The following BCL11B variants were observed in gnomAD, a reference collection of about 807,000 sequenced individuals.
BCL11B encodes the protein B-cell lymphoma/leukemia 11B.
In BCL11B, 8 loss-of-function variants were observed where a neutral mutation model predicts 49.9. That is an observed-to-expected ratio of 0.16 (90% CI 0.09 to 0.29). BCL11B has a LOEUF of 0.29. Ranked by LOEUF, BCL11B falls within the 10% of genes least tolerant of loss-of-function variation. The pLI is 1.00. For synonymous variants in BCL11B, 739 were observed against 637.4 expected (o/e 1.16, Z -2.40); for missense variants, 1,006 against 1,351.0 (o/e 0.74, Z 4.00).
chr14:99,250,054 G>A (rs1307659116), intron 2 of BCL11B, among the ~76,000 whole-genome samples: 2 of 45,140 alleles, frequency 4.4e-5, no homozygotes, highest in Non-Finnish European at 8.2e-5. Context: ...TTTTTTTTTT[G>A]AGATGGAATC....
Position 99,174,103 on chromosome 14 carries a change from T to C in BCL11B, c.*48A>G, listed in dbSNP as rs753319079. On this transcript the variant is annotated 3_prime_UTR_variant, in exon 4 of 4. Transcript: ENST00000357195. ...GCAAGTCAGGTCAGCATTCTCTCGG[T>C]TGGCAACGGTTCCACTGTACAGGTG... is the stretch of plus-strand genomic sequence containing the variant. 2.5e-6 allele frequency: 4 copies of C among 1,573,084 alleles called. No individual in the cohort carries two copies. Among genetic ancestry groups the C allele is most frequent in the African/African-American group, 1.3e-5 (1 of 74,144 alleles).
At chr14:99,181,335 C>T (rs948218608) in intron 3 of BCL11B, among the ~76,000 whole-genome samples, 12 of 152,258 alleles carry the variant, frequency 7.9e-5, no homozygotes, top group African/African-American at 2.7e-4. Flanking sequence ...CATTCACTCA[C>T]ACCATCTTTG....
chr14:99,224,826 G>A (rs552580649), intron 3 of BCL11B, among the ~76,000 whole-genome samples: 10 of 152,300 alleles, frequency 6.6e-5, no homozygotes, highest in Admixed American at 1.3e-4. Context: ...GGGAAGGACC[G>A]AGGATGGCCC....
intron 3 of BCL11B, among the ~76,000 whole-genome samples, chr14:99,177,074 G>A (rs552393497): frequency 2.0e-5 from 3 of 152,218 alleles, no homozygotes; most frequent in Admixed American, 1.3e-4. Flanking sequence ...TTAACATGCT[G>A]TGAAGACCGG....
intron 2 of BCL11B, among the ~76,000 whole-genome samples, chr14:99,255,081 T>C (rs1889118576): frequency 6.6e-6 from 1 of 152,118 alleles, no homozygotes; most frequent in East Asian, 1.9e-4. Context: ...CTTTCCTTTT[T>C]ATTAAATAAA....
chr14:99,243,918 TAAAAAAAAAAAAAAAAAAAAAAA>T (rs200999902), intron 2 of BCL11B, among the ~76,000 whole-genome samples: 92,575 of 129,002 alleles, frequency 0.72, 30,668 homozygotes, highest in East Asian at 0.86. Flanking sequence ...ACATTGCTCC[TAAAAAAAAAAAAAAAAAAAAAAA>T]AAAAAAAAAA....
chr14:99,217,629 T>C (rs1887891579), intron 3 of BCL11B, among the ~76,000 whole-genome samples: 1 of 152,214 alleles, frequency 6.6e-6, no homozygotes, highest in Non-Finnish European at 1.5e-5. Context: ...GCCTCTGAGC[T>C]GAGCCAGCTG....
chr14:99,210,776 T>G (rs1210077982), intron 3 of BCL11B, among the ~76,000 whole-genome samples: 1 of 151,844 alleles, frequency 6.6e-6, no homozygotes, highest in East Asian at 1.9e-4. Flanking sequence ...CTAGCAGGGG[T>G]GACTTTGACA....
At chr14:99,190,081 C>T (rs958820691) in intron 3 of BCL11B, among the ~76,000 whole-genome samples, 3 of 152,234 alleles carry the variant, frequency 2.0e-5, no homozygotes, top group African/African-American at 7.2e-5. Flanking sequence ...ACAGGTTTTG[C>T]TGATGGATGC....
chr14:99,231,483 T>C lies in BCL11B; in HGVS notation c.502A>G (p.Thr168Ala), dbSNP rs2139891638. 6.2e-7 allele frequency: 1 copy of C among 1,600,732 alleles called. No homozygotes were observed. The highest frequency in any genetic ancestry group is 8.5e-7 in the Non-Finnish European group (1 of 1,174,196). Reference protein sequence around the residue: ...ASSHPHSSVITSPLRALGALP... With the variant: ...ASSHPHSSVIASPLRALGALP... The stretch of plus-strand genomic sequence containing the variant: ...GCGCCCAGGGCACGCAGAGGTGAAG[T>C]GATCACGGATGAGTGAGGGTGGGAG... The change falls in exon 3 of 4, where the codon ACT becomes GCT. Residue 168 changes from threonine (T) to alanine (A), a missense_variant. This residue lies in a region of BCL11B where 411 missense variants were observed against 542.2 expected (regional missense o/e 0.76). Transcript: ENST00000357195. This position sits in a 1 kb window ranked among gnomAD's most constrained non-coding sequence, Gnocchi z 8.1.
chr14:99,261,936 T>C (rs1889349348), intron 1 of BCL11B, among the ~76,000 whole-genome samples: 1 of 152,040 alleles, frequency 6.6e-6, no homozygotes, highest in Admixed American at 6.5e-5. Context: ...AAACCACATT[T>C]TATTTACAAG....
chr14:99,199,696 G>GCGCGCGCGCGCA (rs1555378702), intron 3 of BCL11B, among the ~76,000 whole-genome samples: 2 of 77,892 alleles, frequency 2.6e-5, no homozygotes, highest in African/African-American at 7.8e-5. Context: ...GCGCGCGCGC[G>GCGCGCGCGCGCA]CACGTGCACG....
chr14:99,271,044 A>C (rs1272010017), intron 1 of BCL11B, 117 bp downstream of exon 1: 1 of 1,097,214 alleles, frequency 9.1e-7, no homozygotes, highest in Non-Finnish European at 1.2e-6. Flanking sequence ...AGACTCTGCC[A>C]GCCAGCGGGC....
intron 3 of BCL11B, among the ~76,000 whole-genome samples, chr14:99,226,411 A>C (rs892428858): frequency 2.6e-5 from 4 of 152,100 alleles, no homozygotes; most frequent in African/African-American, 9.7e-5. Flanking sequence ...TGGCCGATCT[A>C]ACACCCTCCT....
rs544340560 is a variant in BCL11B, at chr14:99,246,100, G to A, written c.427+11371C>T. Among the ~76,000 whole-genome samples, 3 of 151,452 alleles carry A rather than the reference G, an allele frequency of 2.0e-5. No individual in the cohort carries two copies. In the East Asian group the frequency reaches 5.9e-4, roughly 30 times the overall value. ...CAAAGCAAAAGTTGCACGGATGCAC[G>A]AGGGAAACCCCTTCCCAAAGCTAGC... On this transcript the variant is annotated intron_variant, in intron 2 of 3. Coordinates refer to ENST00000357195, the MANE Select transcript of BCL11B (RefSeq NM_138576.4).
chr14:99,196,339 G>A (rs962538395), intron 3 of BCL11B, among the ~76,000 whole-genome samples: 4 of 152,144 alleles, frequency 2.6e-5, no homozygotes, highest in South Asian at 2.1e-4. Context: ...TGACTGGGGC[G>A]CAGCACCGTG....
At chr14:99,233,960 A>G (rs1888413685) in intron 2 of BCL11B, among the ~76,000 whole-genome samples, 1 of 152,040 alleles carries the variant, frequency 6.6e-6, no homozygotes, top group Admixed American at 6.5e-5. Flanking sequence ...CACCTTCTAC[A>G]CTGGGAGAGG....
intron 3 of BCL11B, among the ~76,000 whole-genome samples, chr14:99,193,893 G>C (rs1887107458): frequency 6.6e-6 from 1 of 152,140 alleles, no homozygotes; most frequent in Admixed American, 6.5e-5. Flanking sequence ...TGAAAAGCAG[G>C]CTGACCAATC....
In BCL11B at chr14:99,175,740, G is replaced by A; in HGVS notation, c.1096C>T (p.Arg366Trp). 6.8e-7 allele frequency: 1 copy of A among 1,479,252 alleles called. No homozygotes were observed. The highest frequency in any genetic ancestry group is 1.4e-5 in the South Asian group (1 of 72,036). 91.6% of individuals were successfully genotyped at this position (1,479,252 alleles called of 1,614,324 possible). A position where few individuals can be genotyped will look rare whatever the true frequency, so the allele number is the denominator to read the frequency against. The change falls in exon 4 of 4, where the codon CGG (arginine) becomes TGG (tryptophan). Residue 366 changes from arginine (R) to tryptophan (W), a missense_variant. Arg to Trp is a moderately radical substitution (Grantham distance 101, BLOSUM62 -3). Transcript: ENST00000357195. ...CTGTTGCCCGCCAGCTCGCGGAGCCGCCGCGAGAAGTCCATGGCGGGCGAG... is the reference window on the plus strand; with the variant it reads ...CTGTTGCCCGCCAGCTCGCGGAGCCACCGCGAGAAGTCCATGGCGGGCGAG... Reference protein sequence around the residue: ...IDSPAMDFSRRLRELAGNSST... With the variant: ...IDSPAMDFSRWLRELAGNSST...
Sources: allele counts gnomAD v4.1 joint callset (sites outside exome capture counted in the v4.1 genomes callset), GRCh38; gene constraint gnomAD v4.1.1; regional missense constraint gnomAD v4.1.1; non-coding constraint Gnocchi (gnomAD v3.1); transcripts MANE v1.5; gene names NCBI Gene and HGNC (gene_info 2026-07-23, HGNC 2026-07-21).